The following PTPRD variants were observed in gnomAD, a reference collection of about 807,000 sequenced individuals.
The protein encoded by PTPRD is protein tyrosine phosphatase receptor type D, also known as receptor-type tyrosine-protein phosphatase delta.
In PTPRD, 34 loss-of-function variants were observed where a neutral mutation model predicts 214.5. That is an observed-to-expected ratio of 0.16 (90% CI 0.12 to 0.21). The LOEUF (loss-of-function observed/expected upper bound fraction) is 0.21, where lower values mean the gene tolerates loss of function less well. Among genes scored for constraint, PTPRD ranks in the 10% least tolerant of loss-of-function variants. The pLI, the probability that PTPRD is intolerant of heterozygous loss-of-function variation, is 1.00. For synonymous variants in PTPRD, 1,128 were observed against 845.7 expected, an observed-to-expected ratio of 1.33 and a Z score of -5.79; for missense variants, 2,545 against 2,398.7, an observed-to-expected ratio of 1.06 and a Z score of -1.27.
chr9:9,672,765 G>A lies in PTPRD; in HGVS notation c.-287+61768C>T, dbSNP rs542448802. Among the ~76,000 whole-genome samples the A allele has an allele frequency of 2.1e-4, 32 of 152,120 alleles. 1 individual carries two copies. In the South Asian group the frequency reaches 6.0e-3, roughly 29 times the overall value. ...AAAGCTACAAAAAAAAATTAGTGAT[G>A]TATGACTGTATAGCTAGTAAAAGTA... On this transcript the variant is annotated intron_variant, in intron 7 of 45. Transcript: ENST00000381196.
chr9:10,030,978 A>C (rs1228982577), intron 4 of PTPRD, among the ~76,000 whole-genome samples: 1 of 152,222 alleles, frequency 6.6e-6, no homozygotes, highest in Non-Finnish European at 1.5e-5. Flanking sequence ...TACCTTTGTG[A>C]AGTGAATGAC....
chr9:9,958,361 C>G (rs769398474), intron 4 of PTPRD, among the ~76,000 whole-genome samples: 77 of 152,226 alleles, frequency 5.1e-4, no homozygotes, highest in Non-Finnish European at 9.6e-4. Flanking sequence ...GAAACCCCAT[C>G]TCTACTAAAC....
intron 8 of PTPRD, among the ~76,000 whole-genome samples, chr9:9,568,961 G>A (rs1300872424): frequency 1.3e-5 from 2 of 151,732 alleles, no homozygotes; most frequent in Admixed American, 6.6e-5. Context: ...ATAAAATAAT[G>A]GGTATCTACA....
chr9:8,361,910 C>T (rs1168814623), intron 39 of PTPRD, among the ~76,000 whole-genome samples: 1 of 152,230 alleles, frequency 6.6e-6, no homozygotes, highest in Non-Finnish European at 1.5e-5. Context: ...TTCAGACCCA[C>T]TCACCTTCTT....
intron 7 of PTPRD, among the ~76,000 whole-genome samples, chr9:9,692,245 A>G (rs2097286551): frequency 6.6e-6 from 1 of 151,438 alleles, no homozygotes; most frequent in Non-Finnish European, 1.5e-5. Context: ...TTGTAGTAGT[A>G]TCATAGTTTG....
At chr9:9,224,158 C>T (rs2099957951) in intron 9 of PTPRD, among the ~76,000 whole-genome samples, 1 of 151,892 alleles carries the variant, frequency 6.6e-6, no homozygotes, top group African/African-American at 2.4e-5. Flanking sequence ...GAGAGACAGG[C>T]AGCTACAGTC....
chr9:9,989,046 C>T (rs866322654), intron 4 of PTPRD, among the ~76,000 whole-genome samples: 1 of 63,160 alleles, frequency 1.6e-5, no homozygotes, highest in African/African-American at 6.3e-5. Flanking sequence ...AAAAAAAAAA[C>T]CACAGACTTT....
chr9:8,535,103 G>A (rs1306482983), intron 14 of PTPRD, among the ~76,000 whole-genome samples: 1 of 151,772 alleles, frequency 6.6e-6, no homozygotes, highest in Admixed American at 6.6e-5. Flanking sequence ...ACATACACAG[G>A]AAGATTGAAT....
chr9:8,415,119 A>G (rs948501315), intron 35 of PTPRD, among the ~76,000 whole-genome samples: 1 of 152,168 alleles, frequency 6.6e-6, no homozygotes, highest in Non-Finnish European at 1.5e-5. Flanking sequence ...CAGCAATGAG[A>G]TACTGAATCC....
intron 10 of PTPRD, among the ~76,000 whole-genome samples, chr9:9,143,989 G>A (rs747522460): frequency 3.9e-5 from 6 of 152,134 alleles, no homozygotes; most frequent in Non-Finnish European, 8.8e-5. Flanking sequence ...CAGATGTTCT[G>A]TGAATGGAGG....
intron 11 of PTPRD, among the ~76,000 whole-genome samples, chr9:8,747,027 T>C (rs1188158576): frequency 1.3e-5 from 2 of 152,202 alleles, no homozygotes; most frequent in Non-Finnish European, 2.9e-5. Context: ...CTAATTGTTA[T>C]CTGGTGCAGG....
intron 11 of PTPRD, among the ~76,000 whole-genome samples, chr9:8,780,551 C>A (rs2095654302): frequency 1.3e-5 from 2 of 152,134 alleles, no homozygotes; most frequent in African/African-American, 4.8e-5. Flanking sequence ...CAAAAAATGT[C>A]CATGGTAGTT....
intron 5 of PTPRD, among the ~76,000 whole-genome samples, chr9:9,820,937 T>C (rs1565513814): frequency 6.6e-6 from 1 of 152,178 alleles, no homozygotes; most frequent in African/African-American, 2.4e-5. Flanking sequence ...TCCTTGTTCT[T>C]TTTGTTCAGG....
At chr9:10,515,767 C>A (rs978133379) in intron 2 of PTPRD, among the ~76,000 whole-genome samples, 2 of 151,894 alleles carry the variant, frequency 1.3e-5, no homozygotes, top group Non-Finnish European at 2.9e-5. Flanking sequence ...CAGACCCCAG[C>A]AACCACCATG....
At chr9:10,301,431 C>T (rs2095859002) in intron 3 of PTPRD, among the ~76,000 whole-genome samples, 1 of 152,162 alleles carries the variant, frequency 6.6e-6, no homozygotes, top group African/African-American at 2.4e-5. Flanking sequence ...GATGAATTGA[C>T]AGAAGTAAGC....
intron 14 of PTPRD, among the ~76,000 whole-genome samples, chr9:8,554,518 CA>C (rs2083127161): frequency 6.6e-6 from 1 of 152,110 alleles, no homozygotes; most frequent in South Asian, 2.1e-4. Flanking sequence ...GGTATATGAT[CA>C]CCCCATAAAA....
intron 5 of PTPRD, among the ~76,000 whole-genome samples, chr9:9,834,241 T>G (rs1225599551): frequency 6.6e-6 from 1 of 152,024 alleles, no homozygotes; most frequent in Admixed American, 6.6e-5. Context: ...CACAACAGGG[T>G]TCTAAATCAC....
intron 9 of PTPRD, among the ~76,000 whole-genome samples, chr9:9,239,919 AG>A (rs2099969515): frequency 6.6e-6 from 1 of 152,182 alleles, no homozygotes; most frequent in African/African-American, 2.4e-5. Flanking sequence ...CTCAAAACCC[AG>A]GATGACTAGA....
intron 9 of PTPRD, among the ~76,000 whole-genome samples, chr9:9,278,827 G>A (rs990726849): frequency 6.6e-6 from 1 of 150,998 alleles, no homozygotes; most frequent in Non-Finnish European, 1.5e-5. Flanking sequence ...CTAATATTGT[G>A]TTTTTTCCTC....
Sources: gnomAD v4.1 joint callset for allele counts (sites outside exome capture counted in the v4.1 genomes callset) on GRCh38, gnomAD v4.1.1 for gene constraint, MANE v1.5 for transcripts, NCBI Gene and HGNC (gene_info 2026-07-23, HGNC 2026-07-21) for gene names.